Variants in DLGAP1 observed in about 807,000 individuals in gnomAD.
DLGAP1 encodes the protein disks large-associated protein 1.
In DLGAP1, 11 loss-of-function variants were observed where a neutral mutation model predicts 90.8. The observed-to-expected ratio is 0.12, with a 90% CI of 0.08 to 0.20. The LOEUF is 0.20. Ranked by LOEUF, DLGAP1 falls within the 10% of genes least tolerant of loss-of-function variation. The pLI is 1.00. For synonymous variants in DLGAP1, 558 were observed against 540.7 expected (o/e 1.03, Z -0.44); for missense variants, 1,050 against 1,333.8 (o/e 0.79, Z 3.31).
intron 4 of DLGAP1, among the ~76,000 whole-genome samples, chr18:3,845,806 T>C (rs1183123637): frequency 2.6e-5 from 4 of 152,190 alleles, no homozygotes; most frequent in Admixed American, 2.6e-4. Context: ...ACAAATTGGA[T>C]AGAACATTCA....
intron 2 of DLGAP1, among the ~76,000 whole-genome samples, chr18:4,136,686 G>T (rs2076406903): frequency 6.6e-6 from 1 of 152,036 alleles, no homozygotes. Context: ...CCATTCTGTG[G>T]GTTGTCTCTT....
At chr18:4,126,468 T>C (rs2144159977) in intron 2 of DLGAP1, among the ~76,000 whole-genome samples, 1 of 152,354 alleles carries the variant, frequency 6.6e-6, no homozygotes, top group South Asian at 2.1e-4. Flanking sequence ...AGCACATTTT[T>C]AAACATCTCT....
At chr18:4,090,086 C>A (rs12956035) in intron 2 of DLGAP1, among the ~76,000 whole-genome samples, 42,593 of 151,928 alleles carry the variant, frequency 0.28, 7,160 homozygotes, top group Non-Finnish European at 0.37. Flanking sequence ...ACATCTTAAA[C>A]AAAAATTAAC....
chr18:3,639,909 C>T lies in DLGAP1; in HGVS notation c.1592-57661G>A, dbSNP rs564678267. Among the ~76,000 whole-genome samples the T allele has an allele frequency of 1.1e-4, 16 of 146,088 alleles. 1 individual carries two copies. Among genetic ancestry groups the T allele is most frequent in the Non-Finnish European group, 1.8e-4 (12 of 66,292 alleles). On this transcript the variant is annotated intron_variant, in intron 7 of 12. Transcript: ENST00000315677. ...AGCTGGGACTACAGGCGCCCGCCAC[C>T]ACACCCGGCTAATTTTTTGTATTTT...
intron 3 of DLGAP1, among the ~76,000 whole-genome samples, chr18:3,943,496 C>T (rs2072814042): frequency 7.4e-6 from 1 of 135,202 alleles, no homozygotes; most frequent in South Asian, 2.4e-4. Context: ...AACATCACTG[C>T]TAGGAAATGG....
intron 9 of DLGAP1, among the ~76,000 whole-genome samples, chr18:3,560,594 A>C (rs948504023): frequency 4.0e-5 from 6 of 149,584 alleles, no homozygotes; most frequent in Non-Finnish European, 7.4e-5. Context: ...AGTCTCAAAA[A>C]AAAAAAAAAA....
intron 7 of DLGAP1, among the ~76,000 whole-genome samples, chr18:3,672,577 CAAAAAAAAAA>C (rs60316690): frequency 1.0e-4 from 4 of 39,556 alleles, no homozygotes; most frequent in Non-Finnish European, 1.8e-4. Context: ...AACTCTATCT[CAAAAAAAAAA>C]AAAAAAAAAA....
At chr18:3,617,829 G>A (rs1393271591) in intron 7 of DLGAP1, among the ~76,000 whole-genome samples, 1 of 151,568 alleles carries the variant, frequency 6.6e-6, no homozygotes, top group Non-Finnish European at 1.5e-5. Flanking sequence ...GAGCTCAGGA[G>A]ATCGAGACCA....
At chr18:3,615,954 T>C (rs187248353) in intron 7 of DLGAP1, among the ~76,000 whole-genome samples, 1 of 152,288 alleles carries the variant, frequency 6.6e-6, no homozygotes, top group East Asian at 1.9e-4. Flanking sequence ...CGAGGGATAT[T>C]TAAAGTGGGG....
chr18:3,863,354 T>A (rs1331327790), intron 4 of DLGAP1, among the ~76,000 whole-genome samples: 7 of 152,220 alleles, frequency 4.6e-5, no homozygotes, highest in African/African-American at 1.7e-4. Context: ...ACATTTTTAA[T>A]AACAAGAAAC....
rs574470073 is a variant in DLGAP1 at position 4,019,739 on chromosome 18, A to G, written c.-158-14538T>C. ...ATACTTCTTCTGTGTTGCAGGATCA[A>G]TCTTTAACCAGGGTACCTGGCTATG... On this transcript the variant is annotated intron_variant, in intron 2 of 12. Coordinates refer to ENST00000315677, the MANE Select transcript of DLGAP1 (RefSeq NM_004746.4). 7.2e-4 allele frequency among the ~76,000 whole-genome samples: 110 copies of G among 152,292 alleles called. 1 individual carries two copies. The highest frequency in any genetic ancestry group is 3.4e-3 in the Middle Eastern group (1 of 294).
intron 1 of DLGAP1, among the ~76,000 whole-genome samples, chr18:4,192,901 T>C (rs2077427916): frequency 6.6e-6 from 1 of 152,158 alleles, no homozygotes; most frequent in Admixed American, 6.5e-5. Context: ...AAGACAGGAA[T>C]TACCTTCTCA....
chr18:4,329,475 T>C (rs2143707016), intron 1 of DLGAP1, among the ~76,000 whole-genome samples: 1 of 152,106 alleles, frequency 6.6e-6, no homozygotes, highest in East Asian at 1.9e-4. Context: ...ATTACTCTGT[T>C]TTTTGCAGTC....
chr18:4,025,681 T>C (rs1180149691), intron 2 of DLGAP1, among the ~76,000 whole-genome samples: 2 of 152,204 alleles, frequency 1.3e-5, no homozygotes, highest in African/African-American at 4.8e-5. Context: ...CTCTGCCTTC[T>C]AAGGTTACTG....
chr18:3,969,159 T>C (rs1009358101), intron 3 of DLGAP1, among the ~76,000 whole-genome samples: 1 of 152,218 alleles, frequency 6.6e-6, no homozygotes, highest in Non-Finnish European at 1.5e-5. Flanking sequence ...AATTTGAAGA[T>C]TGAAGTAGTT....
intron 1 of DLGAP1, among the ~76,000 whole-genome samples, chr18:4,365,263 A>G (rs1042924777): frequency 3.9e-5 from 6 of 152,216 alleles, no homozygotes; most frequent in Admixed American, 3.3e-4. Flanking sequence ...ATCTGAAAAC[A>G]GTACCCTAAG....
intron 1 of DLGAP1, among the ~76,000 whole-genome samples, chr18:4,222,996 G>A (rs1021485069): frequency 2.6e-5 from 4 of 152,122 alleles, no homozygotes; most frequent in Non-Finnish European, 5.9e-5. Flanking sequence ...GTACAAATAT[G>A]TAGTCTCAGC....
At chr18:3,577,656 G>C (rs1375215533) in intron 8 of DLGAP1, among the ~76,000 whole-genome samples, 1 of 152,200 alleles carries the variant, frequency 6.6e-6, no homozygotes, top group Non-Finnish European at 1.5e-5. Flanking sequence ...ATTGTTCTCT[G>C]CCTGGTCCAA....
intron 3 of DLGAP1, among the ~76,000 whole-genome samples, chr18:3,920,236 A>C (rs1397301771): frequency 6.6e-6 from 1 of 150,986 alleles, no homozygotes; most frequent in Non-Finnish European, 1.5e-5. Context: ...CTAGCTACTC[A>C]GGAGGCTGAG....
Sources: gnomAD v4.1 joint callset for allele counts (sites outside exome capture counted in the v4.1 genomes callset) on GRCh38, gnomAD v4.1.1 for gene constraint, MANE v1.5 for transcripts, NCBI Gene and HGNC (gene_info 2026-07-23, HGNC 2026-07-21) for gene names.